Variants in SCRIB observed in about 807,000 individuals in gnomAD.
SCRIB encodes scribble planar cell polarity protein.
SCRIB carries 72 observed loss-of-function variants against 170.0 expected under a neutral mutation model. The ratio of observed to expected loss-of-function variants is 0.42; its 90% CI spans 0.35 to 0.52. The LOEUF (loss-of-function observed/expected upper bound fraction) is 0.52. SCRIB is among the 20% of genes least tolerant of loss of function. SCRIB has a pLI of 0.02. For synonymous variants in SCRIB, 1,298 were observed against 1,044.3 expected, an observed-to-expected ratio of 1.24 and a Z score of -4.68; for missense variants, 2,475 against 2,338.5, an observed-to-expected ratio of 1.06 and a Z score of -1.20.
rs1440768966 is a variant in SCRIB at position 143,792,699 on chromosome 8, G to A, written c.4177+9C>T. On this transcript the variant is annotated intron_variant, in intron 30 of 36. Transcript: ENST00000356994. ...GACCCAACCCCCACCCCACTTCCGT[G>A]CCCCTCACCTTCCTCCTCCTGCATC... The A allele has an allele frequency of 1.9e-6, 3 of 1,587,166 alleles. No homozygotes were observed. Among genetic ancestry groups the A allele is most frequent in the Non-Finnish European group, 2.6e-6 (3 of 1,173,210 alleles).
chr8:143,815,380 G>C lies in SCRIB; in HGVS notation c.-8C>G. On this transcript the variant is annotated 5_prime_UTR_variant, in exon 1 of 37. Coordinates refer to ENST00000356994, the MANE Select transcript of SCRIB (RefSeq NM_182706.5). ...CGGGATGCACTTGAGCATGGTGCGG[G>C]TGGGCGGCGCGGGCTCCGGCGGCGG... 3 of 1,347,324 alleles carry C rather than the reference G, an allele frequency of 2.2e-6. No individual in the cohort carries two copies. Among genetic ancestry groups the C allele is most frequent in the African/African-American group, 1.5e-5 (1 of 66,710 alleles). The allele number at this position is 1,347,324 out of a possible 1,614,324, so 83.5% of individuals were successfully genotyped here.
At chr8:143,811,790 C>G (rs1274317184) in intron 9 of SCRIB, among the ~76,000 whole-genome samples, 3 of 152,122 alleles carry the variant, frequency 2.0e-5, no homozygotes, top group Non-Finnish European at 2.9e-5. Flanking sequence ...AGTGAGGAAC[C>G]CCCCCGGAAA....
At chr8:143,809,166 G>GGC in intron 14 of SCRIB, 141 bp from the exon 15 acceptor site, 2 of 1,156,248 alleles carry the variant, frequency 1.7e-6, no homozygotes, top group Non-Finnish European at 2.4e-6. Flanking sequence ...CCCAGTGAGG[G>GGC]GCGCGTGTCT....
At chr8:143,800,316 C>G (rs1165690042) in intron 24 of SCRIB, among the ~76,000 whole-genome samples, 7 of 152,168 alleles carry the variant, frequency 4.6e-5, no homozygotes, top group Non-Finnish European at 8.8e-5. Flanking sequence ...AAACAGCCCC[C>G]CCTCCATTTA....
rs1423956859 is a variant in SCRIB at position 143,793,064 on chromosome 8, G to T, written c.3929C>A (p.Pro1310Gln). The T allele has an allele frequency of 4.7e-6, 7 of 1,489,126 alleles. No homozygotes were observed. Among genetic ancestry groups the T allele is most frequent in the African/African-American group, 1.4e-5 (1 of 70,584 alleles). 92.2% of individuals were successfully genotyped at this position (1,489,126 alleles called of 1,614,324 possible). The change falls in exon 29 of 37, where the codon CCG (proline) becomes CAG (glutamine). Residue 1310 changes from proline (P) to glutamine (Q), a missense_variant. Physicochemically the swap from Pro to Gln is moderately conservative, Grantham distance 76. Transcript: ENST00000356994. ...CTTCACATTGGCGGGCAGCTCATCC[G>T]GAGAAGGCGGGGAGGGCGGCTGGGG... ...SGQQPPSPPSPDELPANVKQA... is the reference protein window; with the variant it reads ...SGQQPPSPPSQDELPANVKQA...
intron 1 of SCRIB, 131 bp from the exon 2 acceptor site, chr8:143,814,249 G>C (rs777041914): frequency 1.1e-5 from 8 of 724,476 alleles, no homozygotes; most frequent in Non-Finnish European, 1.6e-5. Context: ...CGGGTCCTGG[G>C]GTCTAACCAC....
At chr8:143,794,147 G>A (rs1814834386) in intron 27 of SCRIB, 185 bp from the exon 28 acceptor site, 1 of 593,992 alleles carries the variant, frequency 1.7e-6, no homozygotes, top group Non-Finnish European at 3.0e-6. Flanking sequence ...GTTCCCACAG[G>A]ATGCGGGGGC....
chr8:143,807,565 A>C lies in SCRIB; in HGVS notation c.2165T>G (p.Ile722Ser). The C allele has an allele frequency of 6.2e-7, 1 of 1,613,828 alleles. No individual in the cohort carries two copies. The highest frequency in any genetic ancestry group is 8.5e-7 in the Non-Finnish European group (1 of 1,179,782). Residue 722 changes from isoleucine (I) to serine (S), a missense_variant, in exon 16 of 37, where the codon ATT becomes AGT. Coordinates refer to ENST00000356994, the MANE Select transcript of SCRIB (RefSeq NM_182706.5). ...AGCAGTACAGACCTCTTCCTCCTCA[A>C]TGCGAGCAGGCTCTATCAGCAGGTT... is the stretch of plus-strand genomic sequence containing the variant. The part of the protein sequence containing the change: ...ANNLLIEPAR[I>S]EEEELTLTIL...
At chr8:143,800,090 G>A (rs185593250) in intron 24 of SCRIB, among the ~76,000 whole-genome samples, 24 of 132,376 alleles carry the variant, frequency 1.8e-4, no homozygotes, top group African/African-American at 7.0e-4. Flanking sequence ...TGGGAGCACC[G>A]GCCTGGCCGT....
In SCRIB at chr8:143,815,667, C is replaced by T. The variant is rs1816064079; in HGVS notation, c.-295G>A. The T allele has an allele frequency of 1.0e-6, 1 of 983,130 alleles. No individual in the cohort carries two copies. Among genetic ancestry groups the T allele is most frequent in the African/African-American group, 1.8e-5 (1 of 57,006 alleles). The allele number at this position is 983,130 out of a possible 1,614,324, so 60.9% of individuals were successfully genotyped here. On this transcript the variant is annotated 5_prime_UTR_variant, in exon 1 of 37. Transcript: ENST00000356994. ...CCCGCTTGGTCCTGCTCAGCTCGTC[C>T]CGCCCGCTCGTCCGCCCGCTGTGCC...
rs548276770 is a variant in SCRIB, at chr8:143,795,357, C to T, written c.3715-24G>A. 2.3e-5 allele frequency: 37 copies of T among 1,612,422 alleles called. No homozygotes were observed. The Middle Eastern group carries it at 5.0e-4, about 22-fold the overall frequency. On this transcript the variant is annotated intron_variant, in intron 25 of 36. Transcript: ENST00000356994. ...TCCTGTGAGCAGAGCAGAGCAGACC[C>T]GTCAGGCACCACCGGCCTCGGGCTC...
chr8:143,801,090 C>T (rs1448562474), intron 24 of SCRIB, among the ~76,000 whole-genome samples: 5 of 152,256 alleles, frequency 3.3e-5, no homozygotes, highest in Admixed American at 1.3e-4. Context: ...AAGTAGCTCA[C>T]AACTCACTGG....
chr8:143,803,586 G>C lies in SCRIB; in HGVS notation c.3415-15C>G. On this transcript the variant is annotated splice_polypyrimidine_tract_variant and intron_variant, in intron 23 of 36. Transcript: ENST00000356994. ...GTGGGGCTCACCTGTGGGGAGACGT[G>C]GTATGGGAGAGACCTGTTGGGGGGT... 8.4e-6 allele frequency: 13 copies of C among 1,548,094 alleles called. No individual in the cohort carries two copies. The highest frequency in any genetic ancestry group is 1.1e-5 in the Non-Finnish European group (13 of 1,139,538).
intron 13 of SCRIB, among the ~76,000 whole-genome samples, chr8:143,810,169 C>T (rs1456894075): frequency 6.6e-6 from 1 of 152,148 alleles, no homozygotes; most frequent in African/African-American, 2.4e-5. Flanking sequence ...GTGCCGATGA[C>T]ACCCACGGCA....
chr8:143,804,039 G>A lies in SCRIB; in HGVS notation c.3120+7C>T, dbSNP rs552189503. 41 of 1,601,088 alleles carry A rather than the reference G, an allele frequency of 2.6e-5. 1 individual carries two copies. The highest frequency in any genetic ancestry group is 1.2e-4 in the South Asian group (11 of 90,134). ...TCTCACAGAACCGCCTGGATGGGCC[G>A]CCCTACCTTGGAGATGAACACACCA... is the stretch of plus-strand genomic sequence containing the variant. On this transcript the variant is annotated splice_region_variant and intron_variant, in intron 22 of 36. Coordinates refer to ENST00000356994, the MANE Select transcript of SCRIB (RefSeq NM_182706.5).
chr8:143,813,495 C>T lies in SCRIB; in HGVS notation c.478G>A (p.Glu160Lys). Residue 160 changes from glutamate to lysine, a missense_variant, in exon 5 of 37, where the codon GAG (glutamate) becomes AAG (lysine). By Grantham distance (56) the Glu-to-Lys change is moderately conservative (BLOSUM62 1). This residue lies in a region of SCRIB where 487 missense variants were observed against 558.1 expected (regional missense o/e 0.87). Transcript: ENST00000356994. Reference sequence around the variant, plus strand: ...GCTGGCAGGGACTTGAGCAGGTTCTCCCGGAGCTCCAGGGTCACCAGGTTG... The same window carrying T: ...GCTGGCAGGGACTTGAGCAGGTTCTTCCGGAGCTCCAGGGTCACCAGGTTG... ...LANLVTLELR[E>K]NLLKSLPASL... 6.2e-7 allele frequency: 1 copy of T among 1,613,198 alleles called. No homozygotes were observed. Among genetic ancestry groups the T allele is most frequent in the South Asian group, 1.1e-5 (1 of 91,088 alleles).
chr8:143,804,505 C>T, intron 21 of SCRIB, 63 bp downstream of exon 21: 10 of 1,459,310 alleles, frequency 6.9e-6, no homozygotes, highest in Non-Finnish European at 9.0e-6. Context: ...AGAGCAGGTC[C>T]TGGGAAGGCC....
rs766630661 is a variant in SCRIB at position 143,813,533 on chromosome 8, G to A, written c.447-7C>T. ...GGTCACCAGGTTGGCGAGGCTGAAA[G>A]AGAGACCAGGCGCTGGGGCAAGAGG... On this transcript the variant is annotated splice_polypyrimidine_tract_variant and splice_region_variant and intron_variant, in intron 4 of 36. Transcript: ENST00000356994. The A allele has an allele frequency of 3.1e-6, 5 of 1,613,250 alleles. No homozygotes were observed. The Admixed American group carries it at 5.0e-5, about 16-fold the overall frequency.
intron 24 of SCRIB, among the ~76,000 whole-genome samples, chr8:143,798,968 G>A (rs550446468): frequency 4.3e-4 from 66 of 152,280 alleles, no homozygotes; most frequent in African/African-American, 1.4e-3. Context: ...GCGGGGTCTC[G>A]CTGCCTGATC....
Sources: allele counts gnomAD v4.1 joint callset (sites outside exome capture counted in the v4.1 genomes callset), GRCh38; gene constraint gnomAD v4.1.1; regional missense constraint gnomAD v4.1.1; transcripts MANE v1.5; gene names NCBI Gene and HGNC (gene_info 2026-07-23, HGNC 2026-07-21).